Variants in C8orf82 observed in about 807,000 individuals in gnomAD.
C8orf82 encodes the protein chromosome 8 open reading frame 82.
C8orf82 carries 24 observed loss-of-function variants against 15.0 expected under a neutral mutation model. The observed-to-expected ratio is 1.60, with a 90% CI of 1.16 to 2.24. The LOEUF is 2.24. C8orf82 is among the 30% of genes most tolerant of loss of function. C8orf82 has a pLI of 0.00. For missense variants in C8orf82, 388 were observed against 317.4 expected (o/e 1.22, Z -1.69); for synonymous variants, 205 against 152.2 (o/e 1.35, Z -2.55).
In C8orf82 at chr8:144,528,912, C is replaced by T. The variant is rs1213145536; in HGVS notation, c.5G>A (p.Trp2Ter). Residue 2 changes from tryptophan (W) to a stop codon, truncating the protein, a stop_gained, in exon 1 of 3, where the codon TGG becomes TAG. Transcript: ENST00000524821. LOFTEE classifies it high-confidence loss of function. Reference sequence around the variant, plus strand: ...GGTCCGGAGCGTCCCGCAAGGCGGCCACATTCTCCTCCCGCGCCGGAAGCG... The same window carrying T: ...GGTCCGGAGCGTCCCGCAAGGCGGCTACATTCTCCTCCCGCGCCGGAAGCG... M[W>*]PPCGTLRTLA... 3.2e-5 allele frequency: 48 copies of T among 1,508,276 alleles called. No homozygotes were observed. The Admixed American group carries it at 1.0e-3, about 32-fold the overall frequency. 93.4% of individuals were successfully genotyped at this position (1,508,276 alleles called of 1,614,324 possible).
chr8:144,527,980 C>G (rs1453174654), intron 2 of C8orf82, 44 bp downstream of exon 2: 4 of 1,604,044 alleles, frequency 2.5e-6, no homozygotes, highest in Non-Finnish European at 3.4e-6. Flanking sequence ...AGGGGCTGCC[C>G]GGAAGGGAGA....
chr8:144,528,809 C>G lies in C8orf82; in HGVS notation c.108G>C (p.Pro36=). The change falls in exon 1 of 3, where the codon CCG becomes CCC. Residue 36 remains proline (P), a synonymous_variant. Coordinates refer to ENST00000524821, the MANE Select transcript of C8orf82 (RefSeq NM_001001795.2). ...AGAAATACTCGCGGGTCCGCGGCTC[C>G]GGACTCTGGCCCTGCGTGTAGGAAA... The part of the protein sequence containing the change: ...GGVSYTQGQS[P]EPRTREYFYY... 1 of 1,492,302 alleles carries G rather than the reference C, an allele frequency of 6.7e-7. No individual in the cohort carries two copies. The highest frequency in any genetic ancestry group is 1.3e-5 in the South Asian group (1 of 76,972). The allele number at this position is 1,492,302 out of a possible 1,614,324, so 92.4% of individuals were successfully genotyped here. A position where few individuals can be genotyped will look rare whatever the true frequency, so the allele number is the denominator to read the frequency against.
At chr8:144,528,435 C>T (rs1442157007) in intron 1 of C8orf82, 26 of 1,482,686 alleles carry the variant, frequency 1.8e-5, no homozygotes, top group Non-Finnish European at 2.3e-5. Flanking sequence ...CGGGTGTCTC[C>T]CTGGCAGCGG....
rs745446726 is a variant in C8orf82, at chr8:144,527,884, G to A, written c.206-97C>T. The A allele has an allele frequency of 2.6e-6, 4 of 1,518,820 alleles. No homozygotes were observed. In the South Asian group the frequency reaches 4.5e-5, roughly 17 times the overall value. The allele number at this position is 1,518,820 out of a possible 1,614,324, so 94.1% of individuals were successfully genotyped here. A position where few individuals can be genotyped will look rare whatever the true frequency, so the allele number is the denominator to read the frequency against. ...GGCAGGCGCCGACGGTAAGAGGTTC[G>A]CCTGGCCTCACTCAGCGGGGCTCCT... On this transcript the variant is annotated intron_variant, in intron 2 of 2. Transcript: ENST00000524821.
intron 2 of C8orf82, 42 bp downstream of exon 2, chr8:144,527,982 G>A (rs1320966142): frequency 3.7e-6 from 6 of 1,604,976 alleles, no homozygotes; most frequent in East Asian, 2.2e-5. Flanking sequence ...GGGCTGCCCG[G>A]AAGGGAGAAA....
rs894285807 is a variant in C8orf82, at chr8:144,526,445, G to T, written c.*897C>A. The T allele has an allele frequency of 6.6e-6, 1 of 152,306 alleles. No homozygotes were observed. Among genetic ancestry groups the T allele is most frequent in the Non-Finnish European group, 1.5e-5 (1 of 68,090 alleles). 9.4% of individuals were successfully genotyped at this position (152,306 alleles called of 1,614,324 possible). A position where few individuals can be genotyped will look rare whatever the true frequency, so the allele number is the denominator to read the frequency against. ...AAGGTTCTTGGCCTCAGAACTCACG[G>T]CGCTGCTGCTCACGCTGACCCCCCA... On this transcript the variant is annotated 3_prime_UTR_variant, in exon 3 of 3. Coordinates refer to ENST00000524821, the MANE Select transcript of C8orf82 (RefSeq NM_001001795.2).
At chr8:144,527,848 A>G (rs1210123518) in intron 2 of C8orf82, 61 bp from the exon 3 acceptor site, 4 of 1,568,678 alleles carry the variant, frequency 2.5e-6, no homozygotes, top group Admixed American at 3.5e-5. Flanking sequence ...CGGGCCCAGG[A>G]CCATACCGAG....
rs1035476546 is a variant in C8orf82, at chr8:144,526,281, T to A, written c.*1061A>T. 1 of 152,240 alleles carries A rather than the reference T, an allele frequency of 6.6e-6. No homozygotes were observed. Among genetic ancestry groups the A allele is most frequent in the Non-Finnish European group, 1.5e-5 (1 of 68,044 alleles). The allele number at this position is 152,240 out of a possible 1,614,324, so 9.4% of individuals were successfully genotyped here. ...CCCAGGCAGAGGCAGTTCCCAGATGTCTCAGGACGCGTGTGAACCCCAAGA... is the reference window on the plus strand; with the variant it reads ...CCCAGGCAGAGGCAGTTCCCAGATGACTCAGGACGCGTGTGAACCCCAAGA... On this transcript the variant is annotated 3_prime_UTR_variant, in exon 3 of 3. Coordinates refer to ENST00000524821, the MANE Select transcript of C8orf82 (RefSeq NM_001001795.2).
Position 144,528,012 on chromosome 8 carries a change from G to GCA in C8orf82, c.205+10_205+11dup, listed in dbSNP as rs749929456. On this transcript the variant is annotated intron_variant, in intron 2 of 2. Coordinates refer to ENST00000524821, the MANE Select transcript of C8orf82 (RefSeq NM_001001795.2). The stretch of plus-strand genomic sequence containing the variant: ...GAGAAAGAAGGGGCTGGAGAGGGAG[G>GCA]CACAGCATTACCTTTGAAGCAGGTG... 1.9e-6 allele frequency: 3 copies of GCA among 1,611,742 alleles called. No individual in the cohort carries two copies. The East Asian group carries it at 6.7e-5, about 36-fold the overall frequency.
In C8orf82 at chr8:144,528,835, C is replaced by T. The variant is rs1174146456; in HGVS notation, c.82G>A (p.Val28Ile). ...GGACTCTGGCCCTGCGTGTAGGAAACGCCCCCATCCCCGCTGCAGGCCCGG... is the reference window on the plus strand; with the variant it reads ...GGACTCTGGCCCTGCGTGTAGGAAATGCCCCCATCCCCGCTGCAGGCCCGG... Reference protein sequence around the residue: ...GARACSGDGGVSYTQGQSPEP... With the variant: ...GARACSGDGGISYTQGQSPEP... The change falls in exon 1 of 3, where the codon GTT (valine) becomes ATT (isoleucine). Residue 28 changes from valine (V) to isoleucine (I), a missense_variant. Coordinates refer to ENST00000524821, the MANE Select transcript of C8orf82 (RefSeq NM_001001795.2). The T allele has an allele frequency of 3.3e-6, 5 of 1,518,778 alleles. No homozygotes were observed. The highest frequency in any genetic ancestry group is 2.1e-5 in the Admixed American group (1 of 47,268). The allele number at this position is 1,518,778 out of a possible 1,614,324, so 94.1% of individuals were successfully genotyped here.
At chr8:144,528,530 C>T (rs1215157990) in intron 1 of C8orf82, 14 of 1,387,412 alleles carry the variant, frequency 1.0e-5, no homozygotes, top group Non-Finnish European at 1.3e-5. Context: ...ATGTAGGAGC[C>T]TCGGCCCGGA....
intron 2 of C8orf82, 35 bp downstream of exon 2, chr8:144,527,989 G>C (rs972792887): frequency 6.2e-7 from 1 of 1,608,546 alleles, no homozygotes; most frequent in East Asian, 2.2e-5. Flanking sequence ...CCGGAAGGGA[G>C]AAAGAAGGGG....
chr8:144,528,836 GC>G lies in C8orf82; in HGVS notation c.80del (p.Gly27AlafsTer34). On this transcript the variant is annotated frameshift_variant, in exon 1 of 3. Coordinates refer to ENST00000524821, the MANE Select transcript of C8orf82 (RefSeq NM_001001795.2). LOFTEE classifies it high-confidence loss of function. ...GACTCTGGCCCTGCGTGTAGGAAACGCCCCCATCCCCGCTGCAGGCCCGGGC... is the reference window on the plus strand; with the variant it reads ...GACTCTGGCCCTGCGTGTAGGAAACGCCCCATCCCCGCTGCAGGCCCGGGC... ...RGARACSGDG[G>X]VSYTQGQSPE... 1 of 1,519,172 alleles carries G rather than the reference GC, an allele frequency of 6.6e-7. No homozygotes were observed. Among genetic ancestry groups the G allele is most frequent in the African/African-American group, 1.5e-5 (1 of 68,958 alleles). 94.1% of individuals were successfully genotyped at this position (1,519,172 alleles called of 1,614,324 possible).
In C8orf82 at chr8:144,529,016, C is replaced by T. The variant is rs2130806419; in HGVS notation, c.-100G>A. The T allele has an allele frequency of 3.3e-6, 4 of 1,220,202 alleles. No homozygotes were observed. The South Asian group carries it at 5.8e-5, about 18-fold the overall frequency. 75.6% of individuals were successfully genotyped at this position (1,220,202 alleles called of 1,614,324 possible). A position where few individuals can be genotyped will look rare whatever the true frequency, so the allele number is the denominator to read the frequency against. ...AGCCCCGCGCTTCGCGTTCCGGCGG[C>T]GCCCGCCTCCGCGACCCGGGCCCGG... On this transcript the variant is annotated 5_prime_UTR_variant, in exon 1 of 3. Coordinates refer to ENST00000524821, the MANE Select transcript of C8orf82 (RefSeq NM_001001795.2).
chr8:144,528,967 C>G lies in C8orf82; in HGVS notation c.-51G>C. ...GCAGGTCACGCCGGGGGCGGTGCTG[C>G]GCGAACTCGCGCCTGCCCGCAGTAG... On this transcript the variant is annotated 5_prime_UTR_variant, in exon 1 of 3. Transcript: ENST00000524821. 1 of 1,453,514 alleles carries G rather than the reference C, an allele frequency of 6.9e-7. No homozygotes were observed. Among genetic ancestry groups the G allele is most frequent in the East Asian group, 3.0e-5 (1 of 33,006 alleles). The allele number at this position is 1,453,514 out of a possible 1,614,324, so 90.0% of individuals were successfully genotyped here. A position where few individuals can be genotyped will look rare whatever the true frequency, so the allele number is the denominator to read the frequency against.
rs776088550 is a variant in C8orf82, at chr8:144,528,784, A to G, written c.133T>C (p.Tyr45His). 3 of 1,416,380 alleles carry G rather than the reference A, an allele frequency of 2.1e-6. No individual in the cohort carries two copies. Among genetic ancestry groups the G allele is most frequent in the East Asian group, 6.3e-5 (2 of 31,856 alleles). 87.7% of individuals were successfully genotyped at this position (1,416,380 alleles called of 1,614,324 possible). ...ACCTGGCCCTGGTGGTCCACGTAGTAGAAATACTCGCGGGTCCGCGGCTCC... is the reference window on the plus strand; with the variant it reads ...ACCTGGCCCTGGTGGTCCACGTAGTGGAAATACTCGCGGGTCCGCGGCTCC... Reference protein sequence around the residue: ...SPEPRTREYFYYVDHQGQLFL... With the variant: ...SPEPRTREYFHYVDHQGQLFL... The change falls in exon 1 of 3, where the codon TAC becomes CAC. Residue 45 changes from tyrosine (Y) to histidine (H), a missense_variant. Coordinates refer to ENST00000524821, the MANE Select transcript of C8orf82 (RefSeq NM_001001795.2).
rs1480832009 is a variant in C8orf82, at chr8:144,526,534, G to C, written c.*808C>G. The C allele has an allele frequency of 6.6e-6, 1 of 152,276 alleles. No individual in the cohort carries two copies. Among genetic ancestry groups the C allele is most frequent in the Non-Finnish European group, 1.5e-5 (1 of 68,060 alleles). 9.4% of individuals were successfully genotyped at this position (152,276 alleles called of 1,614,324 possible). A position where few individuals can be genotyped will look rare whatever the true frequency, so the allele number is the denominator to read the frequency against. ...GGATGAGGGCCCCAAGCTGGAAGCA[G>C]CCCAGAAATCCTTTTACCAGAGGAC... On this transcript the variant is annotated 3_prime_UTR_variant, in exon 3 of 3. Transcript: ENST00000524821.
At position 144,527,792 on chromosome 8, in the gene C8orf82, G is replaced by T; in HGVS notation, c.206-5C>A. On this transcript the variant is annotated splice_region_variant and splice_polypyrimidine_tract_variant and intron_variant, in intron 2 of 2. Coordinates refer to ENST00000524821, the MANE Select transcript of C8orf82 (RefSeq NM_001001795.2). ...AGGTGACCAGGAACTGCGGGTCTGG[G>T]GGATGAAGGGTGCGTGTACTCAGCG... 6.3e-7 allele frequency: 1 copy of T among 1,593,992 alleles called. No individual in the cohort carries two copies.
intron 1 of C8orf82, 145 bp from the exon 2 acceptor site, chr8:144,528,217 C>T: frequency 6.7e-7 from 1 of 1,489,514 alleles, no homozygotes; most frequent in South Asian, 1.3e-5. Context: ...CAGGGAGGCG[C>T]GTGAAAGGTA....
Sources: allele counts gnomAD v4.1 joint callset, GRCh38; gene constraint gnomAD v4.1.1; transcripts MANE v1.5; gene names NCBI Gene and HGNC (gene_info 2026-07-23, HGNC 2026-07-21).